Variants in CAMK2D observed in about 807,000 individuals in gnomAD.
The protein encoded by CAMK2D is calcium/calmodulin-dependent protein kinase type II subunit delta.
A neutral mutation model predicts 84.0 loss-of-function variants in CAMK2D; 37 were observed. The observed-to-expected ratio is 0.44, with a 90% confidence interval of 0.34 to 0.58. The LOEUF (loss-of-function observed/expected upper bound fraction) is 0.58, where lower values mean the gene tolerates loss of function less well. Ranked by LOEUF, CAMK2D falls within the 20% of genes least tolerant of loss-of-function variation. The pLI, the probability that CAMK2D is intolerant of heterozygous loss-of-function variation, is 0.02. For synonymous variants in CAMK2D, 202 were observed against 212.5 expected (o/e 0.95, Z 0.43); for missense variants, 448 against 652.5 (o/e 0.69, Z 3.41).
At chr4:113,561,718 A>G (rs2098699616) in intron 4 of CAMK2D, among the ~76,000 whole-genome samples, 1 of 152,248 alleles carries the variant, frequency 6.6e-6, no homozygotes, top group Non-Finnish European at 1.5e-5. Context: ...TGTCTGAGAT[A>G]GTAATACCAT....
intron 3 of CAMK2D, among the ~76,000 whole-genome samples, chr4:113,654,401 T>G (rs2099189490): frequency 6.6e-6 from 1 of 152,092 alleles, no homozygotes; most frequent in Admixed American, 6.6e-5. Context: ...CAATAAATCA[T>G]CTTTAAGCAG....
chr4:113,501,261 C>T (rs1564666960), intron 15 of CAMK2D, among the ~76,000 whole-genome samples: 1 of 142,558 alleles, frequency 7.0e-6, no homozygotes, highest in South Asian at 2.1e-4. Context: ...GTTAAGCACA[C>T]TTAAAAGTAC....
intron 2 of CAMK2D, among the ~76,000 whole-genome samples, chr4:113,757,779 T>C (rs1032821905): frequency 2.6e-5 from 4 of 152,146 alleles, no homozygotes; most frequent in Non-Finnish European, 4.4e-5. Flanking sequence ...AGAAGGCTTC[T>C]TCTCCACAGA....
At chr4:113,576,867 C>T (rs2098785612) in intron 4 of CAMK2D, among the ~76,000 whole-genome samples, 1 of 152,088 alleles carries the variant, frequency 6.6e-6, no homozygotes, top group African/African-American at 2.4e-5. Context: ...ATTCCCCTCC[C>T]TCATTTCCCT....
chr4:113,573,716 A>C (rs2098765863), intron 4 of CAMK2D, among the ~76,000 whole-genome samples: 1 of 152,160 alleles, frequency 6.6e-6, no homozygotes, highest in Non-Finnish European at 1.5e-5. Flanking sequence ...GTAAATTCTC[A>C]CTTACTATTT....
intron 13 of CAMK2D, chr4:113,508,401 C>A (rs563578537): frequency 3.0e-6 from 2 of 660,560 alleles, no homozygotes; most frequent in East Asian, 5.5e-5. Context: ...GGAAAAAGTT[C>A]TGGAAATGCG....
intron 13 of CAMK2D, among the ~76,000 whole-genome samples, chr4:113,505,591 A>G (rs1287387652): frequency 1.0e-5 from 1 of 99,904 alleles, no homozygotes; most frequent in East Asian, 3.0e-4. Context: ...ATCTCCTCTA[A>G]AAATTACATC....
intron 2 of CAMK2D, among the ~76,000 whole-genome samples, chr4:113,681,048 G>C (rs1343431366): frequency 6.6e-6 from 1 of 152,078 alleles, no homozygotes; most frequent in Admixed American, 6.5e-5. Flanking sequence ...GAAGACCCAG[G>C]TATTTCTTAG....
At chr4:113,617,339 TG>T (rs1408590814) in intron 3 of CAMK2D, among the ~76,000 whole-genome samples, 1 of 152,050 alleles carries the variant, frequency 6.6e-6, no homozygotes, top group East Asian at 1.9e-4. Context: ...CACCCATGCC[TG>T]TAGTCCTAGC....
At chr4:113,657,501 A>G (rs2099206770) in intron 3 of CAMK2D, among the ~76,000 whole-genome samples, 1 of 152,150 alleles carries the variant, frequency 6.6e-6, no homozygotes, top group South Asian at 2.1e-4. Flanking sequence ...ACACAAGAGA[A>G]TGCTGAAAAT....
chr4:113,511,752 A>C (rs1461738770), intron 12 of CAMK2D, among the ~76,000 whole-genome samples: 5 of 152,218 alleles, frequency 3.3e-5, no homozygotes, highest in African/African-American at 1.2e-4. Flanking sequence ...TATTACACTA[A>C]ATGAATTGGA....
intron 2 of CAMK2D, among the ~76,000 whole-genome samples, chr4:113,703,422 C>T (rs185363787): frequency 3.9e-5 from 6 of 152,236 alleles, no homozygotes; most frequent in African/African-American, 1.4e-4. Flanking sequence ...CTGGCCCAAA[C>T]TCAAACAATT....
At chr4:113,697,759 T>C (rs537591987) in intron 2 of CAMK2D, among the ~76,000 whole-genome samples, 1 of 124,108 alleles carries the variant, frequency 8.1e-6, no homozygotes, top group South Asian at 2.5e-4. Flanking sequence ...CCTCTGAAAA[T>C]GACTCCCTCA....
intron 4 of CAMK2D, among the ~76,000 whole-genome samples, chr4:113,591,821 A>G (rs898715572): frequency 6.6e-6 from 1 of 152,114 alleles, no homozygotes; most frequent in Admixed American, 6.5e-5. Flanking sequence ...AGAATCTGTG[A>G]CTAAGTAAAT....
At chr4:113,515,488 ATTC>A (rs2154168186) in intron 9 of CAMK2D, among the ~76,000 whole-genome samples, 1 of 152,336 alleles carries the variant, frequency 6.6e-6, no homozygotes, top group East Asian at 1.9e-4. Flanking sequence ...AGAATCTTCT[ATTC>A]TTCTCAAAGT....
chr4:113,515,723 C>T (rs1313314745), intron 9 of CAMK2D, among the ~76,000 whole-genome samples: 2 of 152,138 alleles, frequency 1.3e-5, no homozygotes. Context: ...TTAATCAGGG[C>T]TACTTGGAGT....
intron 16 of CAMK2D, among the ~76,000 whole-genome samples, chr4:113,478,847 A>G (rs1353574538): frequency 1.3e-5 from 2 of 152,194 alleles, no homozygotes; most frequent in African/African-American, 2.4e-5. Context: ...AAATTGTACA[A>G]TTGTAAAAAA....
At chr4:113,745,530 C>T (rs970635399) in intron 2 of CAMK2D, among the ~76,000 whole-genome samples, 2 of 152,110 alleles carry the variant, frequency 1.3e-5, no homozygotes, top group African/African-American at 4.8e-5. Flanking sequence ...CTTCATGTCC[C>T]CCACAGCTTA....
intron 3 of CAMK2D, among the ~76,000 whole-genome samples, chr4:113,633,726 G>A (rs1041047620): frequency 2.0e-5 from 3 of 152,132 alleles, no homozygotes; most frequent in Admixed American, 2.0e-4. Context: ...TACCAGCTCA[G>A]CCACTTACTG....
Sources: allele counts gnomAD v4.1 joint callset (sites outside exome capture counted in the v4.1 genomes callset), GRCh38; gene constraint gnomAD v4.1.1; transcripts MANE v1.5; gene names NCBI Gene and HGNC (gene_info 2026-07-23, HGNC 2026-07-21).